Variants in ENPP1 observed in about 807,000 individuals in gnomAD.
The protein encoded by ENPP1 is ectonucleotide pyrophosphatase/phosphodiesterase 1, also known as ectonucleotide pyrophosphatase/phosphodiesterase family member 1.
Under a neutral mutation model 122.8 loss-of-function variants are expected in ENPP1, and 73 were observed. The ratio of observed to expected loss-of-function variants is 0.59; its 90% CI spans 0.49 to 0.72. ENPP1 has a LOEUF of 0.72. Ranked by LOEUF, ENPP1 falls within the 30% of genes least tolerant of loss-of-function variation. ENPP1 has a pLI of 0.00. For missense variants in ENPP1, 978 were observed against 1,128.1 expected, an observed-to-expected ratio of 0.87 and a Z score of 1.91; for synonymous variants, 367 against 391.6, an observed-to-expected ratio of 0.94 and a Z score of 0.74.
chr6:131,855,147 G>A (rs1055981613), intron 6 of ENPP1, 124 bp downstream of exon 6: 83 of 754,348 alleles, frequency 1.1e-4, no homozygotes, highest in Non-Finnish European at 1.8e-4. Flanking sequence ...CTATGGCAAA[G>A]TAGTTGAACC....
intron 1 of ENPP1, among the ~76,000 whole-genome samples, chr6:131,811,976 A>G (rs6569759): frequency 0.56 from 85,704 of 151,950 alleles, 25,129 homozygotes; most frequent in East Asian, 0.73. Context: ...TATCACTTAA[A>G]AACTTAGTGA....
At chr6:131,819,455 C>G (rs1023548705) in intron 1 of ENPP1, among the ~76,000 whole-genome samples, 1 of 152,064 alleles carries the variant, frequency 6.6e-6, no homozygotes, top group Non-Finnish European at 1.5e-5. Context: ...AAATACACAG[C>G]CTTTTAGTTA....
At chr6:131,811,483 A>C (rs1781353847) in intron 1 of ENPP1, among the ~76,000 whole-genome samples, 1 of 151,484 alleles carries the variant, frequency 6.6e-6, no homozygotes, top group South Asian at 2.1e-4. Context: ...GCAACCCAGG[A>C]GCATAGATTC....
intron 23 of ENPP1, among the ~76,000 whole-genome samples, chr6:131,885,673 A>G (rs1402115113): frequency 2.0e-5 from 3 of 152,246 alleles, no homozygotes; most frequent in African/African-American, 7.2e-5. Context: ...GTCCGTAGGA[A>G]AAAGACTGAG....
At position 131,878,466 on chromosome 6, in the gene ENPP1, A is replaced by G. The variant is rs111889591; in HGVS notation, c.1894-76A>G. 2.3e-4 allele frequency: 194 copies of G among 860,310 alleles called. No individual in the cohort carries two copies. The African/African-American group carries it at 2.8e-3, about 13-fold the overall frequency. The allele number at this position is 860,310 out of a possible 1,614,324, so 53.3% of individuals were successfully genotyped here. ...TCTTTGTTCTATGTTGGAATAATCA[A>G]TCTATAGCGGTTCTATGTTACAAAA... On this transcript the variant is annotated intron_variant, in intron 18 of 24. Coordinates refer to ENST00000647893, the MANE Select transcript of ENPP1 (RefSeq NM_006208.3).
In ENPP1 at chr6:131,894,313, T is replaced by G; in HGVS notation, c.*3802T>G. On this transcript the variant is annotated 3_prime_UTR_variant, in exon 25 of 25. Coordinates refer to ENST00000647893, the MANE Select transcript of ENPP1 (RefSeq NM_006208.3). ...CCTTTTTTTTTTTTTTGAGACAGAG[T>G]CTCGCTCTGTGGCCCAGGCTAGACT... is the stretch of plus-strand genomic sequence containing the variant. 7.2e-6 allele frequency: 1 copy of G among 138,234 alleles called. No homozygotes were observed. Among genetic ancestry groups the G allele is most frequent in the African/African-American group, 2.8e-5 (1 of 35,404 alleles). 8.6% of individuals were successfully genotyped at this position (138,234 alleles called of 1,614,324 possible).
chr6:131,816,491 C>T (rs557857382), intron 1 of ENPP1, among the ~76,000 whole-genome samples: 9 of 152,286 alleles, frequency 5.9e-5, no homozygotes, highest in Non-Finnish European at 8.8e-5. Context: ...TCTGACCCAG[C>T]TCGAAAATCC....
intron 8 of ENPP1, among the ~76,000 whole-genome samples, chr6:131,861,333 G>A (rs760213473): frequency 1.1e-4 from 16 of 152,110 alleles, no homozygotes; most frequent in Non-Finnish European, 1.5e-4. Flanking sequence ...ATGTATATTC[G>A]TGAATTTTTT....
At chr6:131,861,472 G>T in intron 8 of ENPP1, 123 bp from the exon 9 acceptor site, 1 of 718,516 alleles carries the variant, frequency 1.4e-6, no homozygotes, top group South Asian at 1.4e-5. Context: ...AAGTGCTGAA[G>T]CTTGTTGACC....
At chr6:131,843,466 C>G (rs1321816678) in intron 1 of ENPP1, among the ~76,000 whole-genome samples, 2 of 152,104 alleles carry the variant, frequency 1.3e-5, no homozygotes, top group East Asian at 3.9e-4. Flanking sequence ...TATTTTAAAC[C>G]AATGGTTACC....
Position 131,869,432 on chromosome 6 carries a change from A to G in ENPP1, c.1348A>G (p.Ile450Val). The change falls in exon 13 of 25, where the codon ATC (isoleucine) becomes GTC (valine). Residue 450 changes from isoleucine (I) to valine (V), a missense_variant. Physicochemically the swap from Ile to Val is conservative, Grantham distance 29. Transcript: ENST00000647893. Reference protein sequence around the residue: ...YLGDVKNIKVIYGPAARLRPS... With the variant: ...YLGDVKNIKVVYGPAARLRPS... Reference sequence around the variant, plus strand: ...GGGGGATGTTAAAAATATTAAAGTTATCTATGGACCTGCAGCTCGATTGAG... The same window carrying G: ...GGGGGATGTTAAAAATATTAAAGTTGTCTATGGACCTGCAGCTCGATTGAG... 1 of 1,613,112 alleles carries G rather than the reference A, an allele frequency of 6.2e-7. No homozygotes were observed. The highest frequency in any genetic ancestry group is 2.2e-5 in the East Asian group (1 of 44,864).
chr6:131,891,989 A>G lies in ENPP1; in HGVS notation c.*1478A>G, dbSNP rs907971466. ...CATTCAGTTTTTCTTTATATCTTCT[A>G]TTTGCTGAGAATTTCTGTCTCTTTG... On this transcript the variant is annotated 3_prime_UTR_variant, in exon 25 of 25. Coordinates refer to ENST00000647893, the MANE Select transcript of ENPP1 (RefSeq NM_006208.3). 3 of 151,018 alleles carry G rather than the reference A, an allele frequency of 2.0e-5. No individual in the cohort carries two copies. In the South Asian group the frequency reaches 6.3e-4, roughly 32 times the overall value. 9.4% of individuals were successfully genotyped at this position (151,018 alleles called of 1,614,324 possible).
In ENPP1 at chr6:131,882,478, A is replaced by G; in HGVS notation, c.2230+4A>G. 6.2e-7 allele frequency: 1 copy of G among 1,602,264 alleles called. No homozygotes were observed. Among genetic ancestry groups the G allele is most frequent in the Non-Finnish European group, 8.5e-7 (1 of 1,172,786 alleles). On this transcript the variant is annotated splice_donor_region_variant and intron_variant, in intron 21 of 24. Coordinates refer to ENST00000647893, the MANE Select transcript of ENPP1 (RefSeq NM_006208.3). Reference sequence around the variant, plus strand: ...TACGGGTTCCTCTCCCCACCACGTAAGTTTTTTCCTCTCCTGACCTTCCCT... The same window carrying G: ...TACGGGTTCCTCTCCCCACCACGTAGGTTTTTTCCTCTCCTGACCTTCCCT...
Position 131,861,997 on chromosome 6 carries a change from C to T in ENPP1, c.1025+293C>T, listed in dbSNP as rs532222457. 1.1e-4 allele frequency among the ~76,000 whole-genome samples: 16 copies of T among 152,034 alleles called. No homozygotes were observed. The South Asian group carries it at 1.9e-3, about 18-fold the overall frequency. On this transcript the variant is annotated intron_variant, in intron 9 of 24. Coordinates refer to ENST00000647893, the MANE Select transcript of ENPP1 (RefSeq NM_006208.3). ...CAGCCTGACCAAAGTGGTAAAACCCCGTCTCTACTAAAAATACAAAAATTA... is the reference window on the plus strand; with the variant it reads ...CAGCCTGACCAAAGTGGTAAAACCCTGTCTCTACTAAAAATACAAAAATTA...
chr6:131,828,485 G>C (rs1050058924), intron 1 of ENPP1: 2 of 230,696 alleles, frequency 8.7e-6, no homozygotes, highest in Admixed American at 1.0e-4. Flanking sequence ...TCAATCAGGT[G>C]ATCTATACCT....
chr6:131,852,122 C>A (rs1781890075), intron 4 of ENPP1, 53 bp from the exon 5 acceptor site: 8 of 1,178,452 alleles, frequency 6.8e-6, no homozygotes, highest in Non-Finnish European at 7.6e-6. Context: ...ACAAGCATCA[C>A]AATTATTATT....
At chr6:131,813,644 T>G (rs1781381699) in intron 1 of ENPP1, among the ~76,000 whole-genome samples, 1 of 152,230 alleles carries the variant, frequency 6.6e-6, no homozygotes, top group Non-Finnish European at 1.5e-5. Flanking sequence ...GTTTATAACT[T>G]GGTGTCTTAT....
At chr6:131,836,216 G>A (rs935560066) in intron 1 of ENPP1, among the ~76,000 whole-genome samples, 4 of 151,964 alleles carry the variant, frequency 2.6e-5, no homozygotes, top group Non-Finnish European at 4.4e-5. Context: ...GGGTTCAAGC[G>A]ATTCTCCTGC....
chr6:131,846,490 C>T (rs1282478349), intron 1 of ENPP1, among the ~76,000 whole-genome samples: 1 of 152,102 alleles, frequency 6.6e-6, no homozygotes, highest in Non-Finnish European at 1.5e-5. Flanking sequence ...CATCATTTCC[C>T]CCCCATTCAG....
Sources: gnomAD v4.1 joint callset for allele counts (sites outside exome capture counted in the v4.1 genomes callset) on GRCh38, gnomAD v4.1.1 for gene constraint, MANE v1.5 for transcripts, NCBI Gene and HGNC (gene_info 2026-07-23, HGNC 2026-07-21) for gene names.